The following ARHGEF26 variants were observed in gnomAD, a reference collection of about 807,000 sequenced individuals.
ARHGEF26 encodes Rho guanine nucleotide exchange factor (GEF) 26.
A neutral mutation model predicts 89.4 loss-of-function variants in ARHGEF26; 59 were observed. The ratio of observed to expected loss-of-function variants is 0.66; its 90% CI spans 0.54 to 0.82. ARHGEF26 has a LOEUF of 0.82. Among genes scored for constraint, ARHGEF26 ranks in the 40% least tolerant of loss-of-function variants. The pLI is 0.00. For synonymous variants in ARHGEF26, 500 were observed against 428.4 expected (o/e 1.17, Z -2.06); for missense variants, 1,234 against 1,085.6 (o/e 1.14, Z -1.92).
intron 2 of ARHGEF26, among the ~76,000 whole-genome samples, chr3:154,123,403 A>G (rs1718122008): frequency 6.6e-6 from 1 of 152,114 alleles, no homozygotes; most frequent in South Asian, 2.1e-4. Flanking sequence ...TGAAAGGGGG[A>G]GGAGCATGTT....
At chr3:154,250,828 T>C (rs1247395639) in intron 12 of ARHGEF26, among the ~76,000 whole-genome samples, 1 of 152,228 alleles carries the variant, frequency 6.6e-6, no homozygotes, top group Non-Finnish European at 1.5e-5. Context: ...CACTTGAGCC[T>C]GTGTAAAAAA....
chr3:154,163,642 T>A (rs1331746325), intron 6 of ARHGEF26, among the ~76,000 whole-genome samples: 1 of 152,166 alleles, frequency 6.6e-6, no homozygotes, highest in Non-Finnish European at 1.5e-5. Flanking sequence ...TATTTGAATG[T>A]CTTTGACCTC....
At chr3:154,182,163 T>C (rs1713228850) in intron 6 of ARHGEF26, among the ~76,000 whole-genome samples, 1 of 151,684 alleles carries the variant, frequency 6.6e-6, no homozygotes, top group African/African-American at 2.4e-5. Context: ...GAGACAAAAG[T>C]AAACAAAAAT....
chr3:154,212,450 G>A (rs541943550), intron 9 of ARHGEF26, among the ~76,000 whole-genome samples: 3 of 152,156 alleles, frequency 2.0e-5, no homozygotes, highest in African/African-American at 4.8e-5. Context: ...ACTTAAAGGT[G>A]ACTACTGTCA....
chr3:154,245,164 A>G (rs1717725616), intron 12 of ARHGEF26, among the ~76,000 whole-genome samples: 1 of 152,086 alleles, frequency 6.6e-6, no homozygotes, highest in Non-Finnish European at 1.5e-5. Flanking sequence ...AAGAGCTGGG[A>G]TTACAGGTGC....
chr3:154,134,020 A>G (rs1448390960), intron 4 of ARHGEF26, among the ~76,000 whole-genome samples: 2 of 152,102 alleles, frequency 1.3e-5, no homozygotes, highest in African/African-American at 2.4e-5. Context: ...TAGAAATGCT[A>G]GTGATCTTTG....
At position 154,256,896 on chromosome 3, in the gene ARHGEF26, A is replaced by G. The variant is rs764952613; in HGVS notation, c.*1423A>G. The stretch of plus-strand genomic sequence containing the variant: ...ACAGAGAGAGAAAGGTTATCTTAAT[A>G]GTCGGTTTCATGGAGATGAAGGATG... On this transcript the variant is annotated 3_prime_UTR_variant, in exon 15 of 15. Transcript: ENST00000465093. 8.5e-6 allele frequency: 13 copies of G among 1,535,080 alleles called. No homozygotes were observed. Among genetic ancestry groups the G allele is most frequent in the Non-Finnish European group, 1.1e-5 (13 of 1,146,652 alleles).
At chr3:154,221,600 ATAAAT>A (rs1369834482) in intron 10 of ARHGEF26, among the ~76,000 whole-genome samples, 11 of 152,238 alleles carry the variant, frequency 7.2e-5, no homozygotes, top group Non-Finnish European at 1.6e-4. Flanking sequence ...GATTAATTAA[ATAAAT>A]TATAGTATAC....
chr3:154,145,619 A>G (rs992023189), intron 4 of ARHGEF26, among the ~76,000 whole-genome samples: 1 of 152,148 alleles, frequency 6.6e-6, no homozygotes, highest in African/African-American at 2.4e-5. Flanking sequence ...GTGGGCAAAA[A>G]TAGAAGGAAT....
At position 154,217,852 on chromosome 3, in the gene ARHGEF26, C is replaced by A. The variant is rs536181773; in HGVS notation, c.1846-17C>A. The A allele has an allele frequency of 3.3e-5, 52 of 1,578,422 alleles. No homozygotes were observed. The East Asian group carries it at 1.2e-3, about 36-fold the overall frequency. On this transcript the variant is annotated splice_polypyrimidine_tract_variant and intron_variant, in intron 9 of 14. Coordinates refer to ENST00000465093, the MANE Select transcript of ARHGEF26 (RefSeq NM_015595.4). ...TCTCCTTGACCTTTAACCCTCGTTA[C>A]TCTTCTGTGTTCCCAGTTGGTTCGA... is the stretch of plus-strand genomic sequence containing the variant.
intron 8 of ARHGEF26, among the ~76,000 whole-genome samples, chr3:154,191,941 G>T (rs889822625): frequency 1.8e-4 from 28 of 152,340 alleles, no homozygotes; most frequent in African/African-American, 6.0e-4. Context: ...TCCTTCTTGT[G>T]TTAGGCAGCA....
Position 154,255,942 on chromosome 3 carries a change from T to TA in ARHGEF26, c.*470dup. On this transcript the variant is annotated 3_prime_UTR_variant, in exon 15 of 15. Transcript: ENST00000465093. ...TTCCCTGCCTTTTTTTTTCTTTTTTTACATCTGATTTTAATGCTTCGTTAA... is the reference window on the plus strand; with the variant it reads ...TTCCCTGCCTTTTTTTTTCTTTTTTTAACATCTGATTTTAATGCTTCGTTAA... 2.0e-6 allele frequency: 2 copies of TA among 986,728 alleles called. No individual in the cohort carries two copies. The highest frequency in any genetic ancestry group is 2.4e-6 in the Non-Finnish European group (2 of 830,644). The allele number at this position is 986,728 out of a possible 1,614,324, so 61.1% of individuals were successfully genotyped here.
Position 154,152,771 on chromosome 3 carries a change from G to T in ARHGEF26, c.1327-1G>T. ...ATACATTTCTTTTTCCTTCTTACCAGGCTATCTTTGAAGTCATATCCTCTG... is the reference window on the plus strand; with the variant it reads ...ATACATTTCTTTTTCCTTCTTACCATGCTATCTTTGAAGTCATATCCTCTG... On this transcript the variant is annotated splice_acceptor_variant, in intron 5 of 14. Transcript: ENST00000465093. LOFTEE classifies it high-confidence loss of function. 2 of 1,475,672 alleles carry T rather than the reference G, an allele frequency of 1.4e-6. No homozygotes were observed. Among genetic ancestry groups the T allele is most frequent in the Non-Finnish European group, 1.8e-6 (2 of 1,112,162 alleles). The allele number at this position is 1,475,672 out of a possible 1,614,324, so 91.4% of individuals were successfully genotyped here.
intron 10 of ARHGEF26, among the ~76,000 whole-genome samples, chr3:154,218,311 A>G (rs797020366): frequency 1.1e-4 from 16 of 152,224 alleles, no homozygotes; most frequent in African/African-American, 3.9e-4. Context: ...AAACAGTAAT[A>G]TTCCATGAGC....
Position 154,174,801 on chromosome 3 carries a change from T to C in ARHGEF26, c.1488-12884T>C, listed in dbSNP as rs73010675. On this transcript the variant is annotated intron_variant, in intron 6 of 14. Transcript: ENST00000465093. ...TTCTTTAAAAGAATGAGGAAATGTA[T>C]ACATACATATACATACTCATTTTTT... Among the ~76,000 whole-genome samples the C allele has an allele frequency of 4.6e-3, 700 of 152,220 alleles. 5 individuals carry two copies. The highest frequency in any genetic ancestry group is 0.016 in the African/African-American group (674 of 41,558).
intron 11 of ARHGEF26, among the ~76,000 whole-genome samples, chr3:154,233,405 G>A (rs1716928162): frequency 1.3e-5 from 2 of 152,156 alleles, no homozygotes; most frequent in South Asian, 2.1e-4. Flanking sequence ...GATCAAGTGC[G>A]ACGGTTTAGG....
chr3:154,186,932 G>A (rs1479713728), intron 6 of ARHGEF26, among the ~76,000 whole-genome samples: 3 of 107,406 alleles, frequency 2.8e-5, no homozygotes, highest in South Asian at 3.3e-4. Flanking sequence ...AGTCTCTGTC[G>A]CCAGGCTGGA....
At chr3:154,230,444 C>G (rs1420535848) in intron 11 of ARHGEF26, among the ~76,000 whole-genome samples, 2 of 152,142 alleles carry the variant, frequency 1.3e-5, no homozygotes, top group Admixed American at 6.5e-5. Context: ...TTTCACTTTT[C>G]CCCTCATCCT....
intron 9 of ARHGEF26, among the ~76,000 whole-genome samples, chr3:154,202,666 C>T (rs1014502415): frequency 1.3e-5 from 2 of 152,048 alleles, no homozygotes; most frequent in East Asian, 1.9e-4. Flanking sequence ...TTTGTATCCT[C>T]TTTTATTTCG....
Sources: allele counts gnomAD v4.1 joint callset (sites outside exome capture counted in the v4.1 genomes callset), GRCh38; gene constraint gnomAD v4.1.1; transcripts MANE v1.5; gene names NCBI Gene and HGNC (gene_info 2026-07-23, HGNC 2026-07-21).